VPS41: variants seen among roughly 807,000 people sequenced by gnomAD.
VPS41 encodes the protein vacuolar protein sorting-associated protein 41 homolog.
A neutral mutation model predicts 130.9 loss-of-function variants in VPS41; 85 were observed. The observed-to-expected ratio is 0.65, with a 90% CI of 0.55 to 0.78. The LOEUF (loss-of-function observed/expected upper bound fraction) is 0.78, where lower values mean the gene tolerates loss of function less well. Among genes scored for constraint, VPS41 ranks in the 30% least tolerant of loss-of-function variants. VPS41 has a pLI of 0.00. For missense variants in VPS41, 874 were observed against 1,018.7 expected, an observed-to-expected ratio of 0.86 and a Z score of 1.93; for synonymous variants, 335 against 332.9, an observed-to-expected ratio of 1.01 and a Z score of -0.07.
intron 4 of VPS41, among the ~76,000 whole-genome samples, chr7:38,844,314 T>C (rs1785677348): frequency 6.6e-6 from 1 of 152,210 alleles, no homozygotes; most frequent in South Asian, 2.1e-4. Flanking sequence ...TATAAAATCA[T>C]TACTTTAAGA....
chr7:38,871,220 G>T (rs1379236623), intron 2 of VPS41, among the ~76,000 whole-genome samples: 1 of 150,912 alleles, frequency 6.6e-6, no homozygotes, highest in African/African-American at 2.4e-5. Flanking sequence ...ATAGTAAAAA[G>T]AAAATTAGGC....
At chr7:38,757,954 T>C (rs1783835343) in intron 18 of VPS41, among the ~76,000 whole-genome samples, 1 of 152,186 alleles carries the variant, frequency 6.6e-6, no homozygotes, top group South Asian at 2.1e-4. Flanking sequence ...ACATCTCTTT[T>C]AAAGTTTAAA....
rs935246947 is a variant in VPS41, at chr7:38,830,318, T to C, written c.257A>G (p.Lys86Arg). 2 of 1,608,066 alleles carry C rather than the reference T, an allele frequency of 1.2e-6. No individual in the cohort carries two copies. The highest frequency in any genetic ancestry group is 1.7e-6 in the Non-Finnish European group (2 of 1,174,544). The change falls in exon 5 of 29, where the codon AAG becomes AGG. Residue 86 changes from lysine to arginine, a missense_variant. Lys to Arg is a conservative substitution (Grantham distance 26). Transcript: ENST00000310301. ...TTCATCCAAGCTAATCTGATTTATC[T>C]TCACAGGACTCTAAAAAGAAAAAGA... is the stretch of plus-strand genomic sequence containing the variant. ...ITQKFDVSPV[K>R]INQISLDESG...
chr7:38,806,733 C>T (rs1784846414), intron 7 of VPS41, among the ~76,000 whole-genome samples: 1 of 152,088 alleles, frequency 6.6e-6, no homozygotes, highest in Non-Finnish European at 1.5e-5. Flanking sequence ...GATAATCAGA[C>T]CATACATATA....
chr7:38,752,380 T>C, intron 21 of VPS41, 67 bp from the exon 22 acceptor site: 1 of 1,591,360 alleles, frequency 6.3e-7, no homozygotes, highest in South Asian at 1.1e-5. Flanking sequence ...CTAACATTGC[T>C]ATTTTTAGCT....
At chr7:38,873,407 T>C (rs115645584) in intron 2 of VPS41, among the ~76,000 whole-genome samples, 2,518 of 152,038 alleles carry the variant, frequency 0.017, 69 homozygotes, top group African/African-American at 0.056. Flanking sequence ...CATTTAAAAG[T>C]CTAGTAGATT....
At chr7:38,828,146 T>C (rs1473005485) in intron 5 of VPS41, among the ~76,000 whole-genome samples, 1 of 152,152 alleles carries the variant, frequency 6.6e-6, no homozygotes, top group Non-Finnish European at 1.5e-5. Context: ...ATAGTTTACA[T>C]ATGAAAGCAA....
chr7:38,819,108 T>G (rs1369248246), intron 6 of VPS41, among the ~76,000 whole-genome samples: 1 of 152,190 alleles, frequency 6.6e-6, no homozygotes, highest in African/African-American at 2.4e-5. Flanking sequence ...TCCAAACATC[T>G]CCTCTGCTCC....
At chr7:38,888,152 A>G (rs1239531441) in intron 2 of VPS41, among the ~76,000 whole-genome samples, 1 of 152,222 alleles carries the variant, frequency 6.6e-6, no homozygotes, top group Non-Finnish European at 1.5e-5. Flanking sequence ...TAGCATCATC[A>G]TGACAGGATC....
intron 2 of VPS41, among the ~76,000 whole-genome samples, chr7:38,870,418 C>A (rs1786324940): frequency 6.6e-6 from 1 of 152,112 alleles, no homozygotes; most frequent in Admixed American, 6.5e-5. Context: ...TTAGTTGGAA[C>A]CCCTGGTCCC....
chr7:38,799,801 A>C (rs936622351), intron 7 of VPS41, among the ~76,000 whole-genome samples: 1 of 152,216 alleles, frequency 6.6e-6, no homozygotes, highest in African/African-American at 2.4e-5. Flanking sequence ...ATAGTAAAAC[A>C]TTTTATAAAA....
Position 38,821,941 on chromosome 7 carries a change from C to A in VPS41, c.322-676G>T, listed in dbSNP as rs151331228. ...CCCTAAAGGAACTATTTTTTCATCCCTTAAAGGAAAGGGGAGATTTTTTTT... is the reference window on the plus strand; with the variant it reads ...CCCTAAAGGAACTATTTTTTCATCCATTAAAGGAAAGGGGAGATTTTTTTT... On this transcript the variant is annotated intron_variant, in intron 5 of 28. Transcript: ENST00000310301. Among the ~76,000 whole-genome samples, 858 of 152,028 alleles carry A rather than the reference C, an allele frequency of 5.6e-3. 11 individuals carry two copies. Among genetic ancestry groups the A allele is most frequent in the African/African-American group, 0.02 (815 of 41,472 alleles).
intron 10 of VPS41, among the ~76,000 whole-genome samples, chr7:38,784,052 A>G (rs908866644): frequency 6.6e-6 from 1 of 152,210 alleles, no homozygotes; most frequent in Admixed American, 6.5e-5. Context: ...TATAAAACAC[A>G]ATTTTCAGAT....
intron 27 of VPS41, among the ~76,000 whole-genome samples, chr7:38,727,656 A>C (rs943302130): frequency 2.0e-5 from 3 of 152,228 alleles, no homozygotes; most frequent in Non-Finnish European, 2.9e-5. Flanking sequence ...GCACTTAAAC[A>C]TCCAAATCTA....
intron 7 of VPS41, among the ~76,000 whole-genome samples, chr7:38,799,334 A>G (rs1784681570): frequency 6.6e-6 from 1 of 152,228 alleles, no homozygotes; most frequent in Non-Finnish European, 1.5e-5. Flanking sequence ...AAAGAACAAT[A>G]CAAAACAAAA....
At chr7:38,817,128 A>C (rs1227324094) in intron 7 of VPS41, among the ~76,000 whole-genome samples, 1 of 152,180 alleles carries the variant, frequency 6.6e-6, no homozygotes, top group African/African-American at 2.4e-5. Context: ...CTGCTCTAAA[A>C]GTTTATCAAG....
At chr7:38,828,646 T>C (rs1398416339) in intron 5 of VPS41, among the ~76,000 whole-genome samples, 1 of 152,216 alleles carries the variant, frequency 6.6e-6, no homozygotes, top group Non-Finnish European at 1.5e-5. Flanking sequence ...AGCTTACATG[T>C]AATTATGTGT....
At chr7:38,753,204 G>T (rs1294418187) in intron 21 of VPS41, among the ~76,000 whole-genome samples, 1 of 152,166 alleles carries the variant, frequency 6.6e-6, no homozygotes, top group Non-Finnish European at 1.5e-5. Flanking sequence ...TTGGGTTGCT[G>T]TTTCCAAGTG....
In VPS41 at chr7:38,756,896, T is replaced by C. The variant is rs1783805461; in HGVS notation, c.1637A>G (p.His546Arg). ...ATCCTTGATAGAACTGAAAAGATTA[T>C]GCTTGTGGATCAACTGAAAAACGTC... ...HKDVFQLIHK[H>R]NLFSSIKDKI... The change falls in exon 19 of 29, where the codon CAT becomes CGT. Residue 546 changes from histidine (H) to arginine (R), a missense_variant. Physicochemically the swap from His to Arg is conservative, Grantham distance 29. Transcript: ENST00000310301. 1 of 1,599,628 alleles carries C rather than the reference T, an allele frequency of 6.3e-7. No homozygotes were observed. The highest frequency in any genetic ancestry group is 1.3e-5 in the African/African-American group (1 of 74,690).
Sources: gnomAD v4.1 joint callset for allele counts (sites outside exome capture counted in the v4.1 genomes callset) on GRCh38, gnomAD v4.1.1 for gene constraint, MANE v1.5 for transcripts, NCBI Gene and HGNC (gene_info 2026-07-23, HGNC 2026-07-21) for gene names.